Variants in NAV2 observed in about 807,000 individuals in gnomAD.
NAV2 encodes the protein neuron navigator 2.
NAV2 carries 54 observed loss-of-function variants against 223.2 expected under a neutral mutation model. The observed-to-expected ratio is 0.24, with a 90% CI of 0.19 to 0.30. The LOEUF (loss-of-function observed/expected upper bound fraction) is 0.30, where lower values mean the gene tolerates loss of function less well. Among genes scored for constraint, NAV2 ranks in the 10% least tolerant of loss-of-function variants. The pLI is 1.00. For synonymous variants in NAV2, 1,279 were observed against 1,239.3 expected, an observed-to-expected ratio of 1.03 and a Z score of -0.67; for missense variants, 2,806 against 3,147.5, an observed-to-expected ratio of 0.89 and a Z score of 2.60.
intron 1 of NAV2, among the ~76,000 whole-genome samples, chr11:19,634,489 A>G (rs1300450257): frequency 6.6e-6 from 1 of 152,200 alleles, no homozygotes; most frequent in Admixed American, 6.5e-5. Context: ...CAAACCTAAA[A>G]GTTTTTTTTA....
intron 1 of NAV2, among the ~76,000 whole-genome samples, chr11:19,607,781 C>A (rs1328249272): frequency 6.6e-6 from 1 of 152,170 alleles, no homozygotes; most frequent in Admixed American, 6.5e-5. Context: ...AGAGAAGCGT[C>A]GTGTGTAAAG....
intron 1 of NAV2, among the ~76,000 whole-genome samples, chr11:19,787,635 A>T (rs79727772): frequency 6.6e-6 from 1 of 152,080 alleles, no homozygotes; most frequent in East Asian, 1.9e-4. Flanking sequence ...GGGATATCAG[A>T]TATGTTTAAG....
intron 8 of NAV2, among the ~76,000 whole-genome samples, chr11:19,939,995 G>A (rs749877405): frequency 5.4e-5 from 8 of 147,674 alleles, no homozygotes; most frequent in Non-Finnish European, 8.9e-5. Context: ...CCCCAGAATC[G>A]TAAACAAGTC....
chr11:19,574,050 T>A (rs757672022), intron 1 of NAV2, among the ~76,000 whole-genome samples: 7 of 152,190 alleles, frequency 4.6e-5, no homozygotes, highest in Non-Finnish European at 7.3e-5. Context: ...CCAGCCATCA[T>A]GATAGTGTGA....
intron 1 of NAV2, among the ~76,000 whole-genome samples, chr11:19,728,474 A>G (rs890800121): frequency 1.3e-5 from 2 of 152,176 alleles, no homozygotes; most frequent in African/African-American, 4.8e-5. Context: ...TAGCCCCCTC[A>G]GAGAAGTCAG....
intron 1 of NAV2, among the ~76,000 whole-genome samples, chr11:19,720,351 A>G (rs747774695): frequency 5.3e-5 from 8 of 152,212 alleles, no homozygotes; most frequent in Non-Finnish European, 1.0e-4. Flanking sequence ...AGGAACCCCC[A>G]TTCGCCCACA....
chr11:19,347,588 G>A (rs898621166), upstream of NAV2, among the ~76,000 whole-genome samples: 13 of 152,120 alleles, frequency 8.5e-5, no homozygotes, highest in African/African-American at 3.1e-4. Flanking sequence ...TTGAGGAGAA[G>A]CCAGGGCTTG....
chr11:19,734,813 T>C (rs988371189), intron 1 of NAV2, among the ~76,000 whole-genome samples: 4 of 152,274 alleles, frequency 2.6e-5, no homozygotes, highest in Non-Finnish European at 4.4e-5. Context: ...AAAAAAGTCA[T>C]GAAACACATT....
At chr11:19,910,904 TATC>T in intron 6 of NAV2, among the ~76,000 whole-genome samples, 1 of 152,104 alleles carries the variant, frequency 6.6e-6, no homozygotes, top group East Asian at 1.9e-4. Context: ...CATGTAAAAA[TATC>T]ATGATAATTT....
intron 11 of NAV2, among the ~76,000 whole-genome samples, chr11:20,020,809 A>T (rs2153532035): frequency 6.6e-6 from 1 of 152,226 alleles, no homozygotes; most frequent in Admixed American, 6.5e-5. Context: ...GCTGACTTGC[A>T]GGGCCCCATT....
At chr11:19,693,959 T>G (rs2049257333) in intron 1 of NAV2, among the ~76,000 whole-genome samples, 1 of 152,258 alleles carries the variant, frequency 6.6e-6, no homozygotes, top group Non-Finnish European at 1.5e-5. Context: ...GTAGTTGTTA[T>G]AGACAATTTC....
intron 1 of NAV2, among the ~76,000 whole-genome samples, chr11:19,643,715 T>C (rs995945922): frequency 1.3e-5 from 2 of 152,216 alleles, no homozygotes; most frequent in African/African-American, 4.8e-5. Flanking sequence ...GTATTTCTAG[T>C]TCTAGATCCA....
At chr11:19,887,949 G>GT (rs34601696) in intron 5 of NAV2, among the ~76,000 whole-genome samples, 77,811 of 147,648 alleles carry the variant, frequency 0.53, 22,485 homozygotes, top group Non-Finnish European at 0.67. Context: ...GGAAAGAACT[G>GT]TTTTTTTTTT....
intron 20 of NAV2, among the ~76,000 whole-genome samples, chr11:20,067,848 G>A (rs888218379): frequency 1.1e-4 from 17 of 151,756 alleles, no homozygotes; most frequent in African/African-American, 4.1e-4. Flanking sequence ...CTGTATTTTT[G>A]TTTACTAAAT....
rs564895532 is a variant in NAV2, at chr11:20,072,732, T to C, written c.4983+4334T>C. On this transcript the variant is annotated intron_variant, in intron 22 of 37. Transcript: ENST00000349880. ...GGAGTTCACTCATGATTTGGTTCTC[T>C]GTTTTTCTGTTATTGGCGTATAGGA... is the stretch of plus-strand genomic sequence containing the variant. 8.5e-4 allele frequency among the ~76,000 whole-genome samples: 129 copies of C among 152,354 alleles called. 1 individual carries two copies. Among genetic ancestry groups the C allele is most frequent in the African/African-American group, 3.0e-3 (123 of 41,592 alleles).
intron 1 of NAV2, among the ~76,000 whole-genome samples, chr11:19,546,417 G>A (rs1229856785): frequency 1.3e-5 from 2 of 152,236 alleles, no homozygotes; most frequent in Admixed American, 6.5e-5. Context: ...AGATGGCAGA[G>A]GCTGAGCTGC....
intron 35 of NAV2, 35 bp from the exon 36 acceptor site, chr11:20,107,629 T>A: frequency 6.6e-7 from 1 of 1,516,130 alleles, no homozygotes; most frequent in Non-Finnish European, 9.2e-7. Context: ...CCCATGCCCA[T>A]TTGAGTGCTA....
intron 8 of NAV2, 38 bp from the exon 9 acceptor site, chr11:19,946,363 T>C: frequency 1.9e-6 from 3 of 1,566,406 alleles, no homozygotes; most frequent in South Asian, 1.2e-5. Context: ...TCATGGTTGG[T>C]CAGAGAATTA....
chr11:19,447,506 A>G (rs941786216), intron 1 of NAV2, among the ~76,000 whole-genome samples: 1 of 152,174 alleles, frequency 6.6e-6, no homozygotes, highest in African/African-American at 2.4e-5. Context: ...GAAAGTGAGG[A>G]TAGTAATTCC....
Sources: allele counts gnomAD v4.1 joint callset (sites outside exome capture counted in the v4.1 genomes callset), GRCh38; gene constraint gnomAD v4.1.1; transcripts MANE v1.5; gene names NCBI Gene and HGNC (gene_info 2026-07-23, HGNC 2026-07-21).